SHROOM3: variants seen among roughly 807,000 people sequenced by gnomAD.
SHROOM3 encodes the protein shroom family member 3, also known as protein Shroom3.
SHROOM3 carries 47 observed loss-of-function variants against 138.6 expected under a neutral mutation model. That is an observed-to-expected ratio of 0.34 (90% confidence interval 0.27 to 0.43). The LOEUF (loss-of-function observed/expected upper bound fraction) is 0.43. Ranked by LOEUF, SHROOM3 falls within the 20% of genes least tolerant of loss-of-function variation. SHROOM3 has a pLI of 1.00. For synonymous variants in SHROOM3, 1,062 were observed against 1,063.3 expected (o/e 1.00, Z 0.02); for missense variants, 2,491 against 2,596.5 (o/e 0.96, Z 0.88).
At chr4:76,710,031 A>C (rs931848533) in intron 2 of SHROOM3, 125 bp from the exon 3 acceptor site, 8 of 1,263,484 alleles carry the variant, frequency 6.3e-6, no homozygotes, top group East Asian at 4.7e-5. Context: ...CCCTGCACTT[A>C]GCTGTGCTGC....
chr4:76,473,886 T>C (rs72657876), intron 1 of SHROOM3, among the ~76,000 whole-genome samples: 7,828 of 152,278 alleles, frequency 0.051, 250 homozygotes, highest in African/African-American at 0.083. Context: ...AATGGTATAG[T>C]TGCTTTGGAA....
chr4:76,578,646 G>A (rs917136970), intron 2 of SHROOM3, among the ~76,000 whole-genome samples: 1 of 152,188 alleles, frequency 6.6e-6, no homozygotes, highest in African/African-American at 2.4e-5. Context: ...GACCCAAGGT[G>A]GGCTGGAAAG....
chr4:76,657,613 G>GA (rs1736093578), intron 2 of SHROOM3, among the ~76,000 whole-genome samples: 1 of 152,190 alleles, frequency 6.6e-6, no homozygotes, highest in African/African-American at 2.4e-5. Context: ...CCCAAATAGT[G>GA]AGGGTGCTGC....
In SHROOM3 at chr4:76,664,414, A is replaced by G. The variant is rs1560584144; in HGVS notation, c.324-45742A>G. ...ATTCTTCTTGAGTTTATGCAGCCAG[A>G]ATCTTTCATTGATTAATAGTTGTGA... On this transcript the variant is annotated intron_variant, in intron 2 of 10. Transcript: ENST00000296043. This position sits in a 1 kb window ranked among gnomAD's most constrained non-coding sequence, Gnocchi z 4.2. Among the ~76,000 whole-genome samples the G allele has an allele frequency of 1.3e-5, 2 of 152,220 alleles. No homozygotes were observed. The highest frequency in any genetic ancestry group is 4.1e-4 in the South Asian group (2 of 4,822).
At chr4:76,681,109 C>T (rs917318641) in intron 2 of SHROOM3, among the ~76,000 whole-genome samples, 2 of 152,218 alleles carry the variant, frequency 1.3e-5, no homozygotes, top group Non-Finnish European at 2.9e-5. Context: ...TCAACTGCCA[C>T]CTGCCCATGC....
chr4:76,495,886 C>T (rs1731957076), intron 1 of SHROOM3, among the ~76,000 whole-genome samples: 1 of 152,178 alleles, frequency 6.6e-6, no homozygotes, highest in South Asian at 2.1e-4. Flanking sequence ...ACATAGATGA[C>T]ACAAGGTTGT....
At chr4:76,457,531 C>A (rs923936196) in intron 1 of SHROOM3, among the ~76,000 whole-genome samples, 1 of 150,136 alleles carries the variant, frequency 6.7e-6, no homozygotes, top group African/African-American at 2.5e-5. Context: ...CTCGCTCTGT[C>A]TCCAGGCTGG....
chr4:76,744,918 AG>A (rs537954686), intron 5 of SHROOM3, among the ~76,000 whole-genome samples: 202 of 152,346 alleles, frequency 1.3e-3, no homozygotes, highest in Non-Finnish European at 2.3e-3. Flanking sequence ...CATGGAAATC[AG>A]TTCCTCTGTA....
intron 3 of SHROOM3, among the ~76,000 whole-genome samples, chr4:76,720,588 G>A (rs978124963): frequency 4.7e-5 from 7 of 150,482 alleles, no homozygotes; most frequent in Admixed American, 2.6e-4. Context: ...TACTAAAGAA[G>A]ATATAATCTC....
At chr4:76,765,005 CCATT>C (rs1213015973) in intron 9 of SHROOM3, among the ~76,000 whole-genome samples, 6 of 151,922 alleles carry the variant, frequency 3.9e-5, no homozygotes, top group African/African-American at 1.5e-4. Context: ...CCCACAAGCT[CCATT>C]CATTTTTTTT....
At position 76,488,015 on chromosome 4, in the gene SHROOM3, C is replaced by T. The variant is rs145931310; in HGVS notation, c.168+51795C>T. On this transcript the variant is annotated intron_variant, in intron 1 of 10. Coordinates refer to ENST00000296043, the MANE Select transcript of SHROOM3 (RefSeq NM_020859.4). ...GTGTGTCATCTTGGTTTCTATGTCC[C>T]TTGTAAATTATGTTGTTTACCCTGA... Among the ~76,000 whole-genome samples the T allele has an allele frequency of 1.7e-3, 260 of 152,182 alleles. 4 individuals are homozygous for T. In the East Asian group the frequency reaches 0.042, roughly 24 times the overall value.
chr4:76,517,566 A>G (rs144992570), intron 1 of SHROOM3, among the ~76,000 whole-genome samples: 253 of 152,096 alleles, frequency 1.7e-3, no homozygotes, highest in African/African-American at 5.8e-3. Flanking sequence ...TGTAAATGAA[A>G]CTTAAAAAGA....
chr4:76,681,904 T>G lies in SHROOM3; in HGVS notation c.324-28252T>G, dbSNP rs141058799. 4.9e-4 allele frequency among the ~76,000 whole-genome samples: 74 copies of G among 152,250 alleles called. No homozygotes were observed. The East Asian group carries it at 0.013, about 27-fold the overall frequency. On this transcript the variant is annotated intron_variant, in intron 2 of 10. Transcript: ENST00000296043. ...CTCCATGCTGGGCTCGCAGGGACTC[T>G]GGGACTGAGTCAGTTCTCCGGAGTC...
chr4:76,680,607 C>A (rs952559554), intron 2 of SHROOM3, among the ~76,000 whole-genome samples: 1 of 152,168 alleles, frequency 6.6e-6, no homozygotes. Flanking sequence ...TTAATAAGAG[C>A]TAAAATTCAA....
At chr4:76,518,879 G>A (rs1000776407) in intron 1 of SHROOM3, among the ~76,000 whole-genome samples, 7 of 152,160 alleles carry the variant, frequency 4.6e-5, no homozygotes, top group Non-Finnish European at 8.8e-5. Flanking sequence ...AGTACAAAAA[G>A]CGCAAGGGCA....
intron 1 of SHROOM3, among the ~76,000 whole-genome samples, chr4:76,468,182 A>T: frequency 6.6e-6 from 1 of 152,248 alleles, no homozygotes; most frequent in Non-Finnish European, 1.5e-5. Flanking sequence ...CCAAGATTTG[A>T]CAAGAGTGAC....
intron 1 of SHROOM3, among the ~76,000 whole-genome samples, chr4:76,481,537 A>G (rs970553917): frequency 2.0e-5 from 3 of 151,922 alleles, no homozygotes; most frequent in African/African-American, 7.2e-5. Flanking sequence ...CCAGGACCAG[A>G]TTCACAGCCG....
At chr4:76,494,723 G>A (rs189990500) in intron 1 of SHROOM3, among the ~76,000 whole-genome samples, 48 of 152,282 alleles carry the variant, frequency 3.2e-4, no homozygotes, top group Non-Finnish European at 6.5e-4. Context: ...TTATCCTGAG[G>A]GTGAGTAGTG....
chr4:76,642,089 G>GT (rs905014174), intron 2 of SHROOM3, among the ~76,000 whole-genome samples: 1 of 152,104 alleles, frequency 6.6e-6, no homozygotes, highest in Non-Finnish European at 1.5e-5. Context: ...TTTCCTGATT[G>GT]TTTCTATCTT....
Sources: allele counts gnomAD v4.1 joint callset (sites outside exome capture counted in the v4.1 genomes callset), GRCh38; gene constraint gnomAD v4.1.1; non-coding constraint Gnocchi (gnomAD v3.1); transcripts MANE v1.5; gene names NCBI Gene and HGNC (gene_info 2026-07-23, HGNC 2026-07-21).